Variants in PPP6R2 observed in about 807,000 individuals in gnomAD.
PPP6R2 encodes serine/threonine-protein phosphatase 6 regulatory subunit 2.
A neutral mutation model predicts 100.2 loss-of-function variants in PPP6R2; 62 were observed. That is an observed-to-expected ratio of 0.62 (90% CI 0.50 to 0.76). PPP6R2 has a LOEUF of 0.76. Among genes scored for constraint, PPP6R2 ranks in the 30% least tolerant of loss-of-function variants. The pLI is 0.00. For missense variants in PPP6R2, 1,142 were observed against 1,276.3 expected, an observed-to-expected ratio of 0.89 and a Z score of 1.60; for synonymous variants, 525 against 514.7, an observed-to-expected ratio of 1.02 and a Z score of -0.27.
chr22:50,427,784 G>A (rs1334225550), intron 10 of PPP6R2, among the ~76,000 whole-genome samples: 5 of 151,760 alleles, frequency 3.3e-5, no homozygotes, highest in South Asian at 2.1e-4. Flanking sequence ...GCAGTGGCGC[G>A]ATCTCGGCTC....
chr22:50,340,079 G>A (rs2042355135), upstream of PPP6R2, among the ~76,000 whole-genome samples: 1 of 143,296 alleles, frequency 7.0e-6, no homozygotes, highest in Non-Finnish European at 1.5e-5. Flanking sequence ...ATGTGTGTGT[G>A]GTGTGTGTGG....
the PPP6R2 span, among the ~76,000 whole-genome samples, chr22:50,335,667 A>G: frequency 2.8e-5 from 4 of 144,800 alleles, no homozygotes; most frequent in Non-Finnish European, 4.5e-5. Context: ...GCGCACCACC[A>G]CACCCAACTA....
At chr22:50,387,465 T>G (rs1320538604) in intron 2 of PPP6R2, among the ~76,000 whole-genome samples, 4 of 152,230 alleles carry the variant, frequency 2.6e-5, no homozygotes, top group Non-Finnish European at 5.9e-5. Flanking sequence ...CCCGGTGGAC[T>G]ATGCTCAGGA....
intron 1 of PPP6R2, among the ~76,000 whole-genome samples, chr22:50,369,618 A>G (rs1048047573): frequency 6.6e-6 from 1 of 151,978 alleles, no homozygotes; most frequent in East Asian, 1.9e-4. Context: ...GGTTCAAGCA[A>G]TTCTCTTGCC....
chr22:50,402,619 C>T (rs1270044920), intron 3 of PPP6R2, among the ~76,000 whole-genome samples: 1 of 152,160 alleles, frequency 6.6e-6, no homozygotes, highest in African/African-American at 2.4e-5. Flanking sequence ...CTGCTTCAGT[C>T]CTCCAGGCTG....
intron 1 of PPP6R2, among the ~76,000 whole-genome samples, chr22:50,353,817 C>T (rs965122916): frequency 3.6e-5 from 5 of 137,400 alleles, no homozygotes; most frequent in African/African-American, 1.1e-4. Flanking sequence ...AAGCCTCTCC[C>T]TTTTTTTTTT....
At position 50,441,016 on chromosome 22, in the gene PPP6R2, G is replaced by A. The variant is rs770833944; in HGVS notation, c.2569G>A (p.Ala857Thr). The A allele has an allele frequency of 6.3e-7, 1 of 1,589,934 alleles. No homozygotes were observed. Among genetic ancestry groups the A allele is most frequent in the Non-Finnish European group, 8.6e-7 (1 of 1,164,916 alleles). The part of the protein sequence containing the change: ...PLPTVARTEE[A>T]VGRVGCADSR... Reference sequence around the variant, plus strand: ...GCCCACAGTGGCCAGGACAGAGGAGGCTGTCGGCAGGTGTGTGGGGCGTGG... The same window carrying A: ...GCCCACAGTGGCCAGGACAGAGGAGACTGTCGGCAGGTGTGTGGGGCGTGG... Residue 857 changes from alanine (A) to threonine (T), a missense_variant, in exon 22 of 24, where the codon GCT (alanine) becomes ACT (threonine). This residue lies in a region of PPP6R2 where 550 missense variants were observed against 517.4 expected (regional missense o/e 1.06). Coordinates refer to ENST00000612753, the MANE Select transcript of PPP6R2 (RefSeq NM_001242898.2).
At chr22:50,415,443 C>G (rs1405499713) in intron 5 of PPP6R2, among the ~76,000 whole-genome samples, 3 of 152,256 alleles carry the variant, frequency 2.0e-5, no homozygotes, top group Non-Finnish European at 4.4e-5. Context: ...TCAGTACTAG[C>G]TGTGGTCATA....
chr22:50,418,242 T>G (rs761195552), intron 6 of PPP6R2, among the ~76,000 whole-genome samples: 2 of 152,164 alleles, frequency 1.3e-5, no homozygotes, highest in Non-Finnish European at 2.9e-5. Flanking sequence ...TTCCTGAAGA[T>G]AGTTCAATGC....
At chr22:50,413,449 G>A (rs563470923) in intron 4 of PPP6R2, among the ~76,000 whole-genome samples, 61 of 152,150 alleles carry the variant, frequency 4.0e-4, no homozygotes, top group Non-Finnish European at 7.8e-4. Context: ...AGTTATGATC[G>A]CACCACTGCA....
chr22:50,370,570 A>G (rs1254828064), intron 1 of PPP6R2, among the ~76,000 whole-genome samples: 1 of 151,714 alleles, frequency 6.6e-6, no homozygotes. Context: ...TACAGGCGTG[A>G]GCCACCACGC....
the PPP6R2 span, among the ~76,000 whole-genome samples, chr22:50,337,091 G>A: frequency 6.6e-6 from 1 of 151,352 alleles, no homozygotes; most frequent in Non-Finnish European, 1.5e-5. Context: ...ACCAAGCAGG[G>A]AAGGTGGTGA....
chr22:50,358,660 A>G (rs1161868429), intron 1 of PPP6R2, among the ~76,000 whole-genome samples: 1 of 151,298 alleles, frequency 6.6e-6, no homozygotes, highest in Non-Finnish European at 1.5e-5. Flanking sequence ...CTTTCCTTCC[A>G]CTCTATCCTT....
chr22:50,411,743 GACTGTCTCAA>G (rs988581482), intron 4 of PPP6R2, among the ~76,000 whole-genome samples: 37 of 145,462 alleles, frequency 2.5e-4, no homozygotes, highest in African/African-American at 9.5e-4. Flanking sequence ...ACAAAGGGGA[GACTGTCTCAA>G]ACAAAAACAA....
intron 3 of PPP6R2, among the ~76,000 whole-genome samples, chr22:50,397,223 T>C (rs1481615971): frequency 6.6e-6 from 1 of 151,886 alleles, no homozygotes; most frequent in Admixed American, 6.6e-5. Context: ...TCCATTTAAA[T>C]TACCCTGTGA....
rs145830915 is a variant in PPP6R2 at position 50,374,967 on chromosome 22, T to C, written c.-17+2817T>C. 4.1e-5 allele frequency among the ~76,000 whole-genome samples: 6 copies of C among 145,908 alleles called. No individual in the cohort carries two copies. The East Asian group carries it at 1.2e-3, about 29-fold the overall frequency. ...AAAAAACAAACCCACACCCATACACTGAAATCGTATAGCACCAAAGACAAA... is the reference window on the plus strand; with the variant it reads ...AAAAAACAAACCCACACCCATACACCGAAATCGTATAGCACCAAAGACAAA... On this transcript the variant is annotated intron_variant, in intron 2 of 23. Coordinates refer to ENST00000612753, the MANE Select transcript of PPP6R2 (RefSeq NM_001242898.2).
rs1442383903 is a variant in PPP6R2 at position 50,434,694 on chromosome 22, A to G, written c.1401-272A>G. Among the ~76,000 whole-genome samples the G allele has an allele frequency of 6.7e-4, 62 of 93,062 alleles. 9 individuals carry two copies. The highest frequency in any genetic ancestry group is 1.5e-3 in the African/African-American group (32 of 21,564). The allele number at this position is 93,062 out of a possible 152,430, so 61.1% of individuals were successfully genotyped here. A position where few individuals can be genotyped will look rare whatever the true frequency, so the allele number is the denominator to read the frequency against. ...GCACTTGCCCTGGAGGTGAACCTGGAGGAGGGCCGGGTGCGCGGACACTGG... is the reference window on the plus strand; with the variant it reads ...GCACTTGCCCTGGAGGTGAACCTGGGGGAGGGCCGGGTGCGCGGACACTGG... On this transcript the variant is annotated intron_variant, in intron 12 of 23. Transcript: ENST00000612753.
chr22:50,414,728 G>C lies in PPP6R2; in HGVS notation c.552+39G>C, dbSNP rs527836000. 21 of 1,594,780 alleles carry C rather than the reference G, an allele frequency of 1.3e-5. No individual in the cohort carries two copies. The East Asian group carries it at 4.0e-4, about 31-fold the overall frequency. Reference sequence around the variant, plus strand: ...TCCCCCCCCGTTCCCGAGGGCAGGGGTGCTGCAGGAAGCCAGCTGGTTAAG... The same window carrying C: ...TCCCCCCCCGTTCCCGAGGGCAGGGCTGCTGCAGGAAGCCAGCTGGTTAAG... On this transcript the variant is annotated intron_variant, in intron 5 of 23. Transcript: ENST00000612753.
At chr22:50,402,788 C>A (rs1003925310) in intron 3 of PPP6R2, among the ~76,000 whole-genome samples, 1 of 152,152 alleles carries the variant, frequency 6.6e-6, no homozygotes, top group African/African-American at 2.4e-5. Flanking sequence ...TAGAGCAGCA[C>A]CTGTCATTTG....
Sources: gnomAD v4.1 joint callset for allele counts (sites outside exome capture counted in the v4.1 genomes callset) on GRCh38, gnomAD v4.1.1 for gene constraint, gnomAD v4.1.1 regional missense constraint, MANE v1.5 for transcripts, NCBI Gene and HGNC (gene_info 2026-07-23, HGNC 2026-07-21) for gene names.